Variants in TECRL observed in about 807,000 individuals in gnomAD.
TECRL encodes trans-2,3-enoyl-CoA reductase like, also known as trans-2,3-enoyl-CoA reductase-like.
Under a neutral mutation model 52.8 loss-of-function variants are expected in TECRL, and 63 were observed. That is an observed-to-expected ratio of 1.19 (90% CI 0.97 to 1.47). TECRL has a LOEUF of 1.47. Among genes scored for constraint, TECRL ranks in the 40% most tolerant of loss-of-function variants. TECRL has a pLI of 0.00. For synonymous variants in TECRL, 164 were observed against 141.9 expected, an observed-to-expected ratio of 1.16 and a Z score of -1.10; for missense variants, 482 against 429.6, an observed-to-expected ratio of 1.12 and a Z score of -1.08.
At chr4:64,327,199 C>T (rs1478757776) in intron 3 of TECRL, among the ~76,000 whole-genome samples, 2 of 151,774 alleles carry the variant, frequency 1.3e-5, no homozygotes, top group Admixed American at 1.3e-4. Context: ...AATCAGTTGA[C>T]TTTTTTTTCA....
intron 1 of TECRL, among the ~76,000 whole-genome samples, chr4:64,391,375 A>G (rs1723535693): frequency 6.6e-6 from 1 of 151,822 alleles, no homozygotes; most frequent in Non-Finnish European, 1.5e-5. Flanking sequence ...TCACAGCTGC[A>G]GACTTACACA....
chr4:64,333,531 T>C (rs1191150262), intron 2 of TECRL, among the ~76,000 whole-genome samples: 1 of 152,210 alleles, frequency 6.6e-6, no homozygotes, highest in Non-Finnish European at 1.5e-5. Context: ...AATTTGATTA[T>C]ATACAATGTG....
chr4:64,309,879 A>G lies in TECRL; in HGVS notation c.604T>C (p.Leu202=), dbSNP rs1216765576. ...CCTGCAGAAACTTTGTGAACAAATA[A>G]GGTTTCCAAAAGGTATCGGATGTAG... is the stretch of plus-strand genomic sequence containing the variant. The part of the protein sequence containing the change: ...IHYIRYLLET[L]FVHKVSAGHT... Residue 202 remains leucine (L), a synonymous_variant, in exon 6 of 12, where the codon TTA becomes CTA. Transcript: ENST00000381210. The G allele has an allele frequency of 1.9e-6, 3 of 1,612,924 alleles. No homozygotes were observed. Among genetic ancestry groups the G allele is most frequent in the Non-Finnish European group, 2.5e-6 (3 of 1,179,358 alleles).
At chr4:64,285,174 G>A (rs1314599094) in intron 9 of TECRL, among the ~76,000 whole-genome samples, 1 of 151,988 alleles carries the variant, frequency 6.6e-6, no homozygotes, top group African/African-American at 2.4e-5. Flanking sequence ...CTGAGAAAAT[G>A]GTCTTCACTA....
chr4:64,289,968 G>A (rs938152294), intron 8 of TECRL, among the ~76,000 whole-genome samples: 1 of 152,088 alleles, frequency 6.6e-6, no homozygotes, highest in Non-Finnish European at 1.5e-5. Context: ...TGAATAAAAA[G>A]TCACAACAAG....
At chr4:64,393,571 A>G (rs1276756954) in intron 1 of TECRL, among the ~76,000 whole-genome samples, 2 of 152,056 alleles carry the variant, frequency 1.3e-5, no homozygotes, top group Non-Finnish European at 1.5e-5. Context: ...TGAAAACAAT[A>G]TGAGGATATT....
rs548907581 is a variant in TECRL at position 64,372,337 on chromosome 4, G to A, written c.286+2835C>T. Reference sequence around the variant, plus strand: ...AAGAAATGAGTGAAATTATTTGTTTGTATGTGTATGCATAGATCTAATTTG... The same window carrying A: ...AAGAAATGAGTGAAATTATTTGTTTATATGTGTATGCATAGATCTAATTTG... On this transcript the variant is annotated intron_variant, in intron 2 of 11. Transcript: ENST00000381210. Among the ~76,000 whole-genome samples the A allele has an allele frequency of 2.6e-5, 4 of 151,888 alleles. No individual in the cohort carries two copies. The South Asian group carries it at 8.3e-4, about 31-fold the overall frequency.
At chr4:64,294,239 A>G (rs1045416388) in intron 8 of TECRL, among the ~76,000 whole-genome samples, 1 of 152,054 alleles carries the variant, frequency 6.6e-6, no homozygotes, top group African/African-American at 2.4e-5. Context: ...CACCTGCCTC[A>G]GCCTCGCAAA....
intron 2 of TECRL, among the ~76,000 whole-genome samples, chr4:64,331,191 A>G (rs1335493580): frequency 6.6e-6 from 1 of 152,114 alleles, no homozygotes; most frequent in Non-Finnish European, 1.5e-5. Context: ...AAAATATGTC[A>G]ATCTCTGCCT....
Position 64,284,028 on chromosome 4 carries a change from A to G in TECRL, c.833-2469T>C, listed in dbSNP as rs1203496748. On this transcript the variant is annotated intron_variant, in intron 9 of 11. Transcript: ENST00000381210. ...AAAGATAATGCCCCAAAGGAGCTGCAGAACCTACCCAGCATGAACCAACAA... is the reference window on the plus strand; with the variant it reads ...AAAGATAATGCCCCAAAGGAGCTGCGGAACCTACCCAGCATGAACCAACAA... Among the ~76,000 whole-genome samples the G allele has an allele frequency of 2.0e-5, 3 of 152,108 alleles. No individual in the cohort carries two copies. In the East Asian group the frequency reaches 5.8e-4, roughly 29 times the overall value.
At chr4:64,346,774 C>T (rs1405845747) in intron 2 of TECRL, among the ~76,000 whole-genome samples, 4 of 152,242 alleles carry the variant, frequency 2.6e-5, no homozygotes, top group Non-Finnish European at 5.9e-5. Context: ...GTGGCTTTCC[C>T]TGAACATGAG....
In TECRL at chr4:64,375,214, A is replaced by G; in HGVS notation, c.244T>C (p.Ser82Pro). 7.1e-7 allele frequency: 1 copy of G among 1,409,828 alleles called. No individual in the cohort carries two copies. Among genetic ancestry groups the G allele is most frequent in the South Asian group, 1.5e-5 (1 of 65,076 alleles). The allele number at this position is 1,409,828 out of a possible 1,614,324, so 87.3% of individuals were successfully genotyped here. ...QICILDKVTQ[S>P]STIHDVKQKF... Reference sequence around the variant, plus strand: ...TGCTTAACATCATGAATAGTAGATGATTGTGTCACCTGAAAAGGAAAAGAA... The same window carrying G: ...TGCTTAACATCATGAATAGTAGATGGTTGTGTCACCTGAAAAGGAAAAGAA... The change falls in exon 2 of 12, where the codon TCA (serine) becomes CCA (proline). Residue 82 changes from serine to proline, a missense_variant. Ser to Pro is a moderately conservative substitution (Grantham distance 74). Coordinates refer to ENST00000381210, the MANE Select transcript of TECRL (RefSeq NM_001010874.5).
At chr4:64,310,041 A>T (rs1165058596) in intron 5 of TECRL, 110 bp from the exon 6 acceptor site, 1 of 588,752 alleles carries the variant, frequency 1.7e-6, no homozygotes, top group Non-Finnish European at 3.0e-6. Flanking sequence ...ATTGGGAAAC[A>T]TTGTTTCTGG....
chr4:64,314,709 T>G lies in TECRL; in HGVS notation c.490A>C (p.Arg164=). 6.2e-7 allele frequency: 1 copy of G among 1,612,668 alleles called. No individual in the cohort carries two copies. The highest frequency in any genetic ancestry group is 8.5e-7 in the Non-Finnish European group (1 of 1,179,370). Residue 164 remains arginine (R), a synonymous_variant, in exon 5 of 12, where the codon AGG becomes CGG. Coordinates refer to ENST00000381210, the MANE Select transcript of TECRL (RefSeq NM_001010874.5). ...PLLIYLLFYL[R]IPCIYDGKES... is the part of the protein sequence containing the mutation. ...TTTCCATCATATATACATGGGATCC[T>G]CAAATAAAAGAGGAGGTATATTAGC...
intron 9 of TECRL, among the ~76,000 whole-genome samples, chr4:64,285,539 G>A (rs1055452824): frequency 1.3e-5 from 2 of 152,082 alleles, no homozygotes; most frequent in African/African-American, 4.8e-5. Flanking sequence ...CAATTAATAT[G>A]TTAGTGAGGG....
intron 4 of TECRL, among the ~76,000 whole-genome samples, chr4:64,320,029 A>C (rs544815047): frequency 2.0e-4 from 31 of 151,968 alleles, no homozygotes; most frequent in Non-Finnish European, 3.8e-4. Flanking sequence ...GGTGTTAGAT[A>C]CATGAACTTA....
At chr4:64,385,998 C>T (rs1245254596) in intron 1 of TECRL, among the ~76,000 whole-genome samples, 1 of 152,094 alleles carries the variant, frequency 6.6e-6, no homozygotes, top group Non-Finnish European at 1.5e-5. Flanking sequence ...TCCTAGATGC[C>T]CTATCCAACC....
chr4:64,293,979 T>A (rs1019065595), intron 8 of TECRL, among the ~76,000 whole-genome samples: 2 of 143,686 alleles, frequency 1.4e-5, no homozygotes, highest in Admixed American at 7.1e-5. Context: ...TATATATATA[T>A]AAAATATATA....
intron 2 of TECRL, among the ~76,000 whole-genome samples, chr4:64,330,087 C>T (rs931930302): frequency 6.6e-6 from 1 of 151,796 alleles, no homozygotes; most frequent in African/African-American, 2.4e-5. Context: ...TCTATCATGG[C>T]TTAAAGTAAC....
Sources: gnomAD v4.1 joint callset for allele counts (sites outside exome capture counted in the v4.1 genomes callset) on GRCh38, gnomAD v4.1.1 for gene constraint, MANE v1.5 for transcripts, NCBI Gene and HGNC (gene_info 2026-07-23, HGNC 2026-07-21) for gene names.